Variants in SETD3 observed in about 807,000 individuals in gnomAD.
SETD3 encodes the protein actin-histidine N-methyltransferase.
Under a neutral mutation model 63.0 loss-of-function variants are expected in SETD3, and 19 were observed. That is an observed-to-expected ratio of 0.30 (90% CI 0.21 to 0.44). SETD3 has a LOEUF of 0.44. SETD3 is among the 20% of genes least tolerant of loss of function. The probability of loss-of-function intolerance (pLI) is 1.00; values close to 1 mark genes in which losing one functional copy is unlikely to be tolerated. For missense variants in SETD3, 587 were observed against 728.5 expected (o/e 0.81, Z 2.24); for synonymous variants, 286 against 264.1 (o/e 1.08, Z -0.80).
At chr14:99,402,241 C>A (rs942920600) in intron 11 of SETD3, among the ~76,000 whole-genome samples, 1 of 152,194 alleles carries the variant, frequency 6.6e-6, no homozygotes, top group East Asian at 1.9e-4. Context: ...CCTCCAGACC[C>A]CTAGAGCACT....
chr14:99,455,330 G>C (rs1894699039), intron 6 of SETD3, among the ~76,000 whole-genome samples: 2 of 152,200 alleles, frequency 1.3e-5, no homozygotes, highest in Admixed American at 1.3e-4. Context: ...CAATGCCAAG[G>C]ATCTCAACTC....
chr14:99,426,122 C>A (rs749365576), intron 6 of SETD3, among the ~76,000 whole-genome samples: 2 of 152,086 alleles, frequency 1.3e-5, no homozygotes, highest in Non-Finnish European at 1.5e-5. Flanking sequence ...AATAATCCGC[C>A]CCCCCATCCA....
intron 6 of SETD3, among the ~76,000 whole-genome samples, chr14:99,429,938 T>C (rs1050999125): frequency 3.9e-5 from 6 of 152,164 alleles, no homozygotes; most frequent in African/African-American, 1.4e-4. Flanking sequence ...CTGTGAAGTA[T>C]AGAGGAAATG....
chr14:99,475,363 G>A (rs1055145161), intron 1 of SETD3, among the ~76,000 whole-genome samples: 1 of 152,262 alleles, frequency 6.6e-6, no homozygotes, highest in African/African-American at 2.4e-5. Flanking sequence ...AGGCAGGACA[G>A]AGAGAGCGTG....
intron 6 of SETD3, among the ~76,000 whole-genome samples, chr14:99,423,927 C>G (rs1892735317): frequency 6.6e-6 from 1 of 151,464 alleles, no homozygotes; most frequent in Admixed American, 6.6e-5. Flanking sequence ...AAATGCTCTA[C>G]TGATCAATAG....
At chr14:99,474,544 G>GT (rs1446920999) in intron 1 of SETD3, among the ~76,000 whole-genome samples, 3 of 152,178 alleles carry the variant, frequency 2.0e-5, no homozygotes, top group East Asian at 1.9e-4. Flanking sequence ...GCTGTCCCAT[G>GT]TAAGTATTAT....
chr14:99,414,051 G>A (rs2139645752), intron 6 of SETD3, 117 bp from the exon 7 acceptor site: 3 of 937,112 alleles, frequency 3.2e-6, no homozygotes, highest in Non-Finnish European at 5.1e-6. Context: ...GCCAAATGAA[G>A]CAGGCGGCGT....
intron 6 of SETD3, among the ~76,000 whole-genome samples, chr14:99,438,549 T>A (rs1291043156): frequency 1.3e-5 from 2 of 152,216 alleles, no homozygotes; most frequent in Non-Finnish European, 1.5e-5. Flanking sequence ...TTAAAACCAA[T>A]TTATTCCAGA....
intron 1 of SETD3, among the ~76,000 whole-genome samples, chr14:99,476,422 T>C (rs1229495852): frequency 2.0e-5 from 3 of 152,200 alleles, no homozygotes; most frequent in East Asian, 3.8e-4. Flanking sequence ...TCCAAATACA[T>C]AGGAGGAGCT....
At chr14:99,406,705 A>T in intron 8 of SETD3, 115 bp from the exon 9 acceptor site, 1 of 1,002,118 alleles carries the variant, frequency 1.0e-6, no homozygotes, top group South Asian at 1.4e-5. Flanking sequence ...GGTACTCAAA[A>T]GGTGGCATCT....
intron 6 of SETD3, among the ~76,000 whole-genome samples, chr14:99,418,697 T>C (rs989671492): frequency 3.9e-5 from 6 of 152,160 alleles, no homozygotes; most frequent in South Asian, 2.1e-4. Context: ...TATAGGCCTA[T>C]AGAGACCCCC....
intron 10 of SETD3, 143 bp from the exon 11 acceptor site, chr14:99,404,453 C>T (rs1367623016): frequency 4.3e-6 from 3 of 689,710 alleles, no homozygotes; most frequent in Non-Finnish European, 7.3e-6. Context: ...CTCATCTCAA[C>T]TGTGAGCACG....
intron 6 of SETD3, among the ~76,000 whole-genome samples, chr14:99,439,600 A>C (rs1390246896): frequency 6.8e-6 from 1 of 148,058 alleles, no homozygotes; most frequent in Admixed American, 6.8e-5. Flanking sequence ...TAGAAAACAT[A>C]TCTATGTATT....
At chr14:99,451,466 G>C (rs1894455633) in intron 6 of SETD3, among the ~76,000 whole-genome samples, 1 of 152,166 alleles carries the variant, frequency 6.6e-6, no homozygotes, top group Admixed American at 6.5e-5. Context: ...GCTGCAGTAT[G>C]ATGTTTCAGC....
At chr14:99,419,558 G>A (rs1176425942) in intron 6 of SETD3, among the ~76,000 whole-genome samples, 1 of 152,050 alleles carries the variant, frequency 6.6e-6, no homozygotes, top group Non-Finnish European at 1.5e-5. Context: ...GGCGGATCAC[G>A]AGGTCAGGAG....
chr14:99,482,858 ACT>A (rs3918043), upstream of SETD3, among the ~76,000 whole-genome samples: 63,993 of 151,818 alleles, frequency 0.42, 13,923 homozygotes, highest in East Asian at 0.56. Context: ...GAAAGCAGTG[ACT>A]CTGCTGAGTG....
Position 99,426,033 on chromosome 14 carries a change from G to GA in SETD3, c.676-12100dup, listed in dbSNP as rs150687517. Among the ~76,000 whole-genome samples the GA allele has an allele frequency of 2.0e-3, 310 of 152,184 alleles. 10 individuals are homozygous for GA. In the East Asian group the frequency reaches 0.053, roughly 26 times the overall value. On this transcript the variant is annotated intron_variant, in intron 6 of 12. Coordinates refer to ENST00000331768, the MANE Select transcript of SETD3 (RefSeq NM_032233.3). ...TAATCCCTAAAAAAAACTTGGTGTG[G>GA]AAAACAGTTCAAACCCTCCTCCCCC...
At chr14:99,473,797 G>A (rs903747720) in intron 1 of SETD3, among the ~76,000 whole-genome samples, 1 of 152,208 alleles carries the variant, frequency 6.6e-6, no homozygotes, top group Non-Finnish European at 1.5e-5. Flanking sequence ...ACAGGATGAC[G>A]AGTTAGGAAA....
chr14:99,405,522 G>A, intron 9 of SETD3, 151 bp from the exon 10 acceptor site: 2 of 881,854 alleles, frequency 2.3e-6, no homozygotes, highest in Non-Finnish European at 3.3e-6. Flanking sequence ...GGTTGCAAGG[G>A]TGAAGCTGTG....
Sources: gnomAD v4.1 joint callset for allele counts (sites outside exome capture counted in the v4.1 genomes callset) on GRCh38, gnomAD v4.1.1 for gene constraint, MANE v1.5 for transcripts, NCBI Gene and HGNC (gene_info 2026-07-23, HGNC 2026-07-21) for gene names.